CAMK1: variants seen among roughly 807,000 people sequenced by gnomAD.
The protein encoded by CAMK1 is calcium/calmodulin dependent protein kinase I, also known as calcium/calmodulin-dependent protein kinase type 1.
In CAMK1, 39 loss-of-function variants were observed where a neutral mutation model predicts 49.1. That is an observed-to-expected ratio of 0.79 (90% confidence interval 0.62 to 1.04). The LOEUF (loss-of-function observed/expected upper bound fraction) is 1.04. Ranked by LOEUF, CAMK1 falls within the 50% of genes least tolerant of loss-of-function variation. The pLI is 0.00. For synonymous variants in CAMK1, 192 were observed against 185.2 expected, an observed-to-expected ratio of 1.04 and a Z score of -0.30; for missense variants, 457 against 472.2, an observed-to-expected ratio of 0.97 and a Z score of 0.30.
At chr3:9,758,087 T>G (rs1309923825) in intron 10 of CAMK1, 4 of 501,714 alleles carry the variant, frequency 8.0e-6, no homozygotes, top group Non-Finnish European at 1.3e-5. Context: ...ATAACTATAA[T>G]TCATATTAAT....
At chr3:9,768,325 A>G (rs1221548059) in intron 1 of CAMK1, among the ~76,000 whole-genome samples, 1 of 152,192 alleles carries the variant, frequency 6.6e-6, no homozygotes, top group Non-Finnish European at 1.5e-5. Context: ...CCACAGCAAC[A>G]ACAGCCACAG....
chr3:9,762,796 G>C, intron 5 of CAMK1, 118 bp downstream of exon 5: 1 of 967,304 alleles, frequency 1.0e-6, no homozygotes, highest in Admixed American at 2.2e-5. Context: ...GATCCACTTT[G>C]TAGATGGAAA....
chr3:9,759,211 A>G (rs1282876542), intron 10 of CAMK1: 2 of 1,613,936 alleles, frequency 1.2e-6, no homozygotes, highest in Non-Finnish European at 1.7e-6. Context: ...CACCACTTTT[A>G]TGACCTTTCT....
chr3:9,759,913 C>T lies in CAMK1; in HGVS notation c.746-163G>A, dbSNP rs1279019479. 1.1e-5 allele frequency: 12 copies of T among 1,092,896 alleles called. No homozygotes were observed. The East Asian group carries it at 2.6e-4, about 24-fold the overall frequency. 67.7% of individuals were successfully genotyped at this position (1,092,896 alleles called of 1,614,324 possible). A position where few individuals can be genotyped will look rare whatever the true frequency, so the allele number is the denominator to read the frequency against. On this transcript the variant is annotated intron_variant, in intron 8 of 11. Transcript: ENST00000256460. ...ACCTATGCTCTTCTTCAGGCCCTCC[C>T]ACCCCGTGCCTTCCAGCTCTTTCCT... is the stretch of plus-strand genomic sequence containing the variant.
rs2077869183 is a variant in CAMK1 at position 9,761,479 on chromosome 3, C to T, written c.614G>A (p.Gly205Asp). Reference protein sequence around the residue: ...YSKAVDCWSIGVIAYILLCGY... With the variant: ...YSKAVDCWSIDVIAYILLCGY... ...CACTTACAAGATGTAGGCGATGACA[C>T]CTATGGACCAGCAATCCACAGCCTT... Residue 205 changes from glycine (G) to aspartate (D), a missense_variant, in exon 7 of 12, where the codon GGT becomes GAT. Gly to Asp is a moderately conservative substitution (Grantham distance 94, BLOSUM62 -1). Transcript: ENST00000256460. The T allele has an allele frequency of 6.2e-7, 1 of 1,612,976 alleles. No homozygotes were observed. Among genetic ancestry groups the T allele is most frequent in the Non-Finnish European group, 8.5e-7 (1 of 1,179,516 alleles).
chr3:9,758,839 A>G (rs1328513978), intron 10 of CAMK1: 1 of 305,566 alleles, frequency 3.3e-6, no homozygotes, highest in African/African-American at 2.2e-5. Context: ...CATGTTGGCC[A>G]GGATGGTCTT....
Position 9,763,155 on chromosome 3 carries a change from A to G in CAMK1, c.274T>C (p.Tyr92His). The change falls in exon 4 of 12, where the codon TAC (tyrosine) becomes CAC (histidine). Residue 92 changes from tyrosine to histidine, a missense_variant. Tyr to His is a moderately conservative substitution (Grantham distance 83, BLOSUM62 2). Coordinates refer to ENST00000256460, the MANE Select transcript of CAMK1 (RefSeq NM_003656.5). Reference sequence around the variant, plus strand: ...GCCACTCACAGCTGCATGATGAGGTAGAGGTGGCCCCCACTCTCATAGATG... The same window carrying G: ...GCCACTCACAGCTGCATGATGAGGTGGAGGTGGCCCCCACTCTCATAGATG... ...DDIYESGGHL[Y>H]LIMQLVSGGE... 1 of 1,614,108 alleles carries G rather than the reference A, an allele frequency of 6.2e-7. No homozygotes were observed. The highest frequency in any genetic ancestry group is 8.5e-7 in the Non-Finnish European group (1 of 1,180,022).
At chr3:9,765,047 C>G (rs2078086472) in intron 3 of CAMK1, among the ~76,000 whole-genome samples, 1 of 151,388 alleles carries the variant, frequency 6.6e-6, no homozygotes, top group East Asian at 2.0e-4. Context: ...GCCAACATGG[C>G]GAAACCCCAT....
chr3:9,757,800 T>C lies in CAMK1; in HGVS notation c.959A>G (p.Gln320Arg). Residue 320 changes from glutamine (Q) to arginine (R), a missense_variant, in exon 11 of 12, where the codon CAG (glutamine) becomes CGG (arginine). Transcript: ENST00000256460. This position sits in a 1 kb window ranked among gnomAD's most constrained non-coding sequence, Gnocchi z 4.5. The part of the protein sequence containing the change: ...TAVVRHMRKL[Q>R]LGTSQEGQGQ... ...CTGCCCCTCCTGGCTGGTGCCCAGC[T>C]GCAGTTTCCTCATGTGCCGCACCAC... The C allele has an allele frequency of 6.2e-7, 1 of 1,613,712 alleles. No individual in the cohort carries two copies. The highest frequency in any genetic ancestry group is 8.5e-7 in the Non-Finnish European group (1 of 1,179,670).
At chr3:9,767,804 A>C in intron 1 of CAMK1, 23 bp from the exon 2 acceptor site, 1 of 1,607,300 alleles carries the variant, frequency 6.2e-7, no homozygotes, top group South Asian at 1.1e-5. Flanking sequence ...TGGAAGGAGG[A>C]GACTCAGCAG....
intron 7 of CAMK1, 114 bp from the exon 8 acceptor site, chr3:9,760,882 T>C: frequency 3.4e-6 from 5 of 1,470,180 alleles, no homozygotes; most frequent in Non-Finnish European, 4.6e-6. Flanking sequence ...GTTCCCCCTT[T>C]ATAAACTCTA....
rs1191804647 is a variant in CAMK1, at chr3:9,761,508, G to T, written c.585C>A (p.Tyr195Ter). Residue 195 changes from tyrosine (Y) to a stop codon, truncating the protein, a stop_gained, in exon 7 of 12, where the codon TAC (tyrosine) becomes TAA (stop). Coordinates refer to ENST00000256460, the MANE Select transcript of CAMK1 (RefSeq NM_003656.5). LOFTEE classifies it high-confidence loss of function. The stretch of plus-strand genomic sequence containing the variant: ...TGGACCAGCAATCCACAGCCTTGCT[G>T]TAGGGCTTCTGGGCCAGGACTTCAG... ...VAPEVLAQKP[Y>*]SKAVDCWSIG... is the part of the protein sequence containing the mutation. The T allele has an allele frequency of 6.2e-7, 1 of 1,613,634 alleles. No homozygotes were observed. The highest frequency in any genetic ancestry group is 1.1e-5 in the South Asian group (1 of 91,058).
Position 9,761,635 on chromosome 3 carries a change from G to C in CAMK1, c.552C>G (p.Tyr184Ter). 1 of 1,614,070 alleles carries C rather than the reference G, an allele frequency of 6.2e-7. No individual in the cohort carries two copies. The highest frequency in any genetic ancestry group is 8.5e-7 in the Non-Finnish European group (1 of 1,179,982). ...VLSTACGTPG[Y>*]VAPEVLAQKP... Reference sequence around the variant, plus strand: ...CCAGCCCAGGGCCCTCCGCACCCACGTATCCCGGAGTTCCACAGGCGGTGG... The same window carrying C: ...CCAGCCCAGGGCCCTCCGCACCCACCTATCCCGGAGTTCCACAGGCGGTGG... The change falls in exon 6 of 12, where the codon TAC becomes TAG. Residue 184 changes from tyrosine (Y) to a stop codon, truncating the protein, a stop_gained. Coordinates refer to ENST00000256460, the MANE Select transcript of CAMK1 (RefSeq NM_003656.5). LOFTEE classifies it high-confidence loss of function.
In CAMK1 at chr3:9,763,072, A is replaced by G. The variant is rs1220688797; in HGVS notation, c.291-20T>C. 3.1e-6 allele frequency: 5 copies of G among 1,614,002 alleles called. No homozygotes were observed. Among genetic ancestry groups the G allele is most frequent in the African/African-American group, 2.7e-5 (2 of 74,922 alleles). On this transcript the variant is annotated intron_variant, in intron 4 of 11. Coordinates refer to ENST00000256460, the MANE Select transcript of CAMK1 (RefSeq NM_003656.5). ...GACACCCTGCAGCAGGGGATAGGGC[A>G]GTCTGGCAAAGAGGGTTGGGACAGC...
At chr3:9,763,665 A>G (rs1457254791) in intron 3 of CAMK1, among the ~76,000 whole-genome samples, 1 of 152,162 alleles carries the variant, frequency 6.6e-6, no homozygotes, top group South Asian at 2.1e-4. Flanking sequence ...CCAGTGAGCC[A>G]CTGCACCCAG....
intron 2 of CAMK1, 59 bp downstream of exon 2, chr3:9,767,608 C>T (rs2078189340): frequency 6.2e-7 from 1 of 1,604,084 alleles, no homozygotes; most frequent in Non-Finnish European, 8.5e-7. Context: ...CCAGAGGAAG[C>T]CCCACCCTGG....
intron 10 of CAMK1, 41 bp downstream of exon 10, chr3:9,759,447 T>A (rs766768473): frequency 2.5e-6 from 4 of 1,613,100 alleles, no homozygotes; most frequent in Non-Finnish European, 3.4e-6. Context: ...TGGGGAGGAG[T>A]CCTGGGGAGG....
At chr3:9,768,846 T>C (rs1486171055) in intron 1 of CAMK1, among the ~76,000 whole-genome samples, 1 of 152,070 alleles carries the variant, frequency 6.6e-6, no homozygotes, top group Non-Finnish European at 1.5e-5. Flanking sequence ...AGGACCTTTT[T>C]CCCAGGGGAC....
At chr3:9,767,637 A>C (rs2078190204) in intron 2 of CAMK1, 30 bp downstream of exon 2, 3 of 1,613,360 alleles carry the variant, frequency 1.9e-6, no homozygotes, top group Non-Finnish European at 2.5e-6. Context: ...TCCCTCAGCC[A>C]TCCAGCACCC....
Sources: allele counts gnomAD v4.1 joint callset (sites outside exome capture counted in the v4.1 genomes callset), GRCh38; gene constraint gnomAD v4.1.1; non-coding constraint Gnocchi (gnomAD v3.1); transcripts MANE v1.5; gene names NCBI Gene and HGNC (gene_info 2026-07-23, HGNC 2026-07-21).